SIGLECL1: variants seen among roughly 807,000 people sequenced by gnomAD.
SIGLECL1 encodes the protein SIGLEC family like 1.
Under a neutral mutation model 19.1 loss-of-function variants are expected in SIGLECL1, and 16 were observed. The ratio of observed to expected loss-of-function variants is 0.84; its 90% CI spans 0.57 to 1.27. The LOEUF is 1.27. Ranked by LOEUF, SIGLECL1 falls within the 50% of genes most tolerant of loss-of-function variation. SIGLECL1 has a pLI of 0.00. For missense variants in SIGLECL1, 210 were observed against 239.4 expected (o/e 0.88, Z 0.81); for synonymous variants, 89 against 90.4 (o/e 0.98, Z 0.09).
intron 1 of SIGLECL1, among the ~76,000 whole-genome samples, chr19:51,260,412 T>C (rs1011423530): frequency 1.6e-4 from 25 of 152,368 alleles, no homozygotes; most frequent in African/African-American, 5.8e-4. Flanking sequence ...ATGGTCCATG[T>C]TGTTGCATCT....
At chr19:51,253,750 T>C (rs372714124) in intron 1 of SIGLECL1, among the ~76,000 whole-genome samples, 1 of 152,142 alleles carries the variant, frequency 6.6e-6, no homozygotes, top group Admixed American at 6.5e-5. Context: ...TAAGGCAAAA[T>C]AGAATCATGA....
intron 5 of SIGLECL1, among the ~76,000 whole-genome samples, chr19:51,267,866 C>T (rs928951013): frequency 5.9e-5 from 9 of 152,094 alleles, no homozygotes; most frequent in Non-Finnish European, 1.0e-4. Context: ...AGTGTATGGC[C>T]GGCAGCAGTC....
chr19:51,268,718 C>A lies in SIGLECL1; in HGVS notation c.*121C>A. 1 of 884,948 alleles carries A rather than the reference C, an allele frequency of 1.1e-6. No homozygotes were observed. The highest frequency in any genetic ancestry group is 1.7e-6 in the Non-Finnish European group (1 of 572,210). The allele number at this position is 884,948 out of a possible 1,614,324, so 54.8% of individuals were successfully genotyped here. On this transcript the variant is annotated 3_prime_UTR_variant, in exon 6 of 6. Coordinates refer to ENST00000601727, the MANE Select transcript of SIGLECL1 (RefSeq NM_001385465.1). ...TAATAAACCTGGAGCCCCCTGGACT[C>A]TCCTCAGCTCACAAAACCCTCTCAA...
At chr19:51,266,844 C>A (rs1983714229) in intron 4 of SIGLECL1, among the ~76,000 whole-genome samples, 1 of 152,040 alleles carries the variant, frequency 6.6e-6, no homozygotes, top group Non-Finnish European at 1.5e-5. Flanking sequence ...CATTTCGGAG[C>A]CATGGAAGAG....
intron 2 of SIGLECL1, 32 bp from the exon 3 acceptor site, chr19:51,265,336 C>A: frequency 6.4e-7 from 1 of 1,568,962 alleles, no homozygotes; most frequent in Non-Finnish European, 8.7e-7. Context: ...AGCCAGGATG[C>A]CTTGCTGACT....
intron 5 of SIGLECL1, among the ~76,000 whole-genome samples, chr19:51,268,251 T>A (rs548869391): frequency 6.6e-6 from 1 of 152,026 alleles, no homozygotes; most frequent in Non-Finnish European, 1.5e-5. Context: ...ACCTTCACAG[T>A]AGGGGATGCT....
chr19:51,257,366 G>A (rs1028302264), intron 1 of SIGLECL1, among the ~76,000 whole-genome samples: 10 of 150,406 alleles, frequency 6.6e-5, no homozygotes, highest in East Asian at 1.9e-4. Context: ...TGAATGCTCC[G>A]TTGCACTCCA....
upstream of SIGLECL1, among the ~76,000 whole-genome samples, chr19:51,247,637 C>T (rs1487236485): frequency 2.6e-5 from 4 of 152,148 alleles, no homozygotes; most frequent in Admixed American, 6.5e-5. Flanking sequence ...CAGGCGGTCT[C>T]GAACTCCTGA....
At chr19:51,249,734 G>C (rs1277786441), upstream of SIGLECL1, among the ~76,000 whole-genome samples, 1 of 152,186 alleles carries the variant, frequency 6.6e-6, no homozygotes, top group East Asian at 1.9e-4. Context: ...AAGGGGTTCT[G>C]ATCCAGACCC....
At chr19:51,254,345 A>G (rs1273771142) in intron 1 of SIGLECL1, among the ~76,000 whole-genome samples, 2 of 152,062 alleles carry the variant, frequency 1.3e-5, no homozygotes, top group African/African-American at 2.4e-5. Context: ...AAAAAAAAAA[A>G]AAGGATTGAT....
At chr19:51,258,630 T>G (rs879713885) in intron 1 of SIGLECL1, among the ~76,000 whole-genome samples, 3 of 152,220 alleles carry the variant, frequency 2.0e-5, no homozygotes, top group Middle Eastern at 3.2e-3. Context: ...GAGCTACAGC[T>G]GCTAGCCTCA....
chr19:51,259,360 G>A (rs1294583876), intron 1 of SIGLECL1, among the ~76,000 whole-genome samples: 1 of 152,238 alleles, frequency 6.6e-6, no homozygotes, highest in Non-Finnish European at 1.5e-5. Context: ...TTATGAAACA[G>A]AAGGCATGTA....
upstream of SIGLECL1, among the ~76,000 whole-genome samples, chr19:51,248,979 T>C (rs1382546081): frequency 2.6e-5 from 4 of 152,168 alleles, no homozygotes; most frequent in Non-Finnish European, 5.9e-5. Context: ...CAGTTAGTTA[T>C]TTTGACAATT....
intron 1 of SIGLECL1, among the ~76,000 whole-genome samples, chr19:51,253,089 T>C (rs1982594378): frequency 6.7e-6 from 1 of 148,518 alleles, no homozygotes; most frequent in Non-Finnish European, 1.5e-5. Context: ...TTCATGCCAC[T>C]GCACTCCAGA....
At chr19:51,258,362 T>G (rs1275368764) in intron 1 of SIGLECL1, among the ~76,000 whole-genome samples, 1 of 152,194 alleles carries the variant, frequency 6.6e-6, no homozygotes, top group Non-Finnish European at 1.5e-5. Flanking sequence ...GTCAAGATGA[T>G]AAGCCTTTGA....
chr19:51,250,922 T>C (rs1027631446), upstream of SIGLECL1, among the ~76,000 whole-genome samples: 3 of 152,232 alleles, frequency 2.0e-5, no homozygotes, highest in African/African-American at 7.2e-5. Context: ...AAAAAGCTCA[T>C]GCAGCCTCTG....
At chr19:51,247,329 G>C (rs776155056), upstream of SIGLECL1, among the ~76,000 whole-genome samples, 1 of 152,208 alleles carries the variant, frequency 6.6e-6, no homozygotes, top group Admixed American at 6.5e-5. Flanking sequence ...CACTGAACTA[G>C]AGCCTTCCTC....
At chr19:51,247,561 G>C (rs752030786), upstream of SIGLECL1, among the ~76,000 whole-genome samples, 1 of 152,082 alleles carries the variant, frequency 6.6e-6, no homozygotes, top group East Asian at 1.9e-4. Flanking sequence ...TGGGACTACA[G>C]GTGCCTGCCA....
At position 51,265,524 on chromosome 19, in the gene SIGLECL1, C is replaced by A. The variant is rs766699638; in HGVS notation, c.179C>A (p.Thr60Asn). 1.2e-6 allele frequency: 2 copies of A among 1,614,040 alleles called. No individual in the cohort carries two copies. Among genetic ancestry groups the A allele is most frequent in the African/African-American group, 1.3e-5 (1 of 74,922 alleles). ...GATGGCAGCCTCCAAGTGACTTCCACCATGCTTGGCCCCTGGGCTAACAGC... is the reference window on the plus strand; with the variant it reads ...GATGGCAGCCTCCAAGTGACTTCCAACATGCTTGGCCCCTGGGCTAACAGC... Reference protein sequence around the residue: ...GMDGSLQVTSTMLGPWANSTI... With the variant: ...GMDGSLQVTSNMLGPWANSTI... Residue 60 changes from threonine (T) to asparagine (N), a missense_variant, in exon 3 of 6, where the codon ACC (threonine) becomes AAC (asparagine). Coordinates refer to ENST00000601727, the MANE Select transcript of SIGLECL1 (RefSeq NM_001385465.1).
Sources: gnomAD v4.1 joint callset for allele counts (sites outside exome capture counted in the v4.1 genomes callset) on GRCh38, gnomAD v4.1.1 for gene constraint, MANE v1.5 for transcripts, NCBI Gene and HGNC (gene_info 2026-07-23, HGNC 2026-07-21) for gene names.